Variants in MTMR1 observed in about 807,000 individuals in gnomAD.
The protein encoded by MTMR1 is phosphatidylinositol-3-phosphate phosphatase MTMR1.
In MTMR1, 17 loss-of-function variants were observed where a neutral mutation model predicts 51.6. That is an observed-to-expected ratio of 0.33 (90% CI 0.23 to 0.49). MTMR1 has a LOEUF of 0.49. Ranked by LOEUF, MTMR1 falls within the 20% of genes least tolerant of loss-of-function variation. The pLI, the probability that MTMR1 is intolerant of heterozygous loss-of-function variation, is 0.99. For synonymous variants in MTMR1, 201 were observed against 205.6 expected, an observed-to-expected ratio of 0.98 and a Z score of 0.19; for missense variants, 386 against 526.9, an observed-to-expected ratio of 0.73 and a Z score of 2.62.
intron 13 of MTMR1, among the ~76,000 whole-genome samples, chrX:150,749,413 A>G (rs1294459093): frequency 8.9e-5 from 10 of 112,815 alleles, no homozygotes; most frequent in Non-Finnish European, 7.5e-5. Context: ...CTTAAATACA[A>G]GCATGCTGGG....
intron 2 of MTMR1, 65 bp from the exon 3 acceptor site, chrX:150,712,277 T>G: frequency 9.8e-7 from 1 of 1,024,088 alleles, no homozygotes; most frequent in South Asian, 2.1e-5. Flanking sequence ...TTGAACTTAA[T>G]GGCATCTTTC....
intron 15 of MTMR1, among the ~76,000 whole-genome samples, chrX:150,758,774 C>T (rs1014346219): frequency 2.8e-4 from 29 of 104,073 alleles, no homozygotes; most frequent in African/African-American, 7.9e-4. Flanking sequence ...CCAGCCTGGG[C>T]GACAGAGTGA....
At chrX:150,704,338 C>A (rs1342372689) in intron 2 of MTMR1, among the ~76,000 whole-genome samples, 12 of 111,770 alleles carry the variant, frequency 1.1e-4, no homozygotes, top group Admixed American at 7.6e-4. Flanking sequence ...CAGCCAAACA[C>A]CACAGAAAAA....
In MTMR1 at chrX:150,753,464, T is replaced by TTCACCAA. The variant is rs782393258; in HGVS notation, c.1681-2224_1681-2218dup. Among the ~76,000 whole-genome samples the TTCACCAA allele has an allele frequency of 2.7e-5, 3 of 112,468 alleles. No individual in the cohort carries two copies. In the South Asian group the frequency reaches 1.1e-3, roughly 41 times the overall value. ...TCTGAGGCTTCCAATTTCTCCACAT[T>TTCACCAA]TCACCAACGCTTACTATTTTCCTTT... On this transcript the variant is annotated intron_variant, in intron 14 of 15. Transcript: ENST00000445323.
intron 13 of MTMR1, among the ~76,000 whole-genome samples, chrX:150,749,663 C>T (rs2042671644): frequency 1.8e-5 from 2 of 112,135 alleles, no homozygotes; most frequent in African/African-American, 6.5e-5. Flanking sequence ...ACAATCAAGA[C>T]GATCTGTGGT....
At position 150,712,347 on chromosome X, in the gene MTMR1, C is replaced by T; in HGVS notation, c.258C>T (p.Phe86=). ...SENVSRDYKV[F]RRPDLRALRD... ...TTCTGTATTTTAACTAACAGGTTTT[C>T]AGGAGGCCTGATCTAAGGGTAAGGA... The change falls in exon 3 of 16, where the codon TTC becomes TTT. Residue 86 remains phenylalanine (F), a synonymous_variant. Transcript: ENST00000445323. 1 of 1,164,718 alleles carries T rather than the reference C, an allele frequency of 8.6e-7. No individual in the cohort carries two copies. The highest frequency in any genetic ancestry group is 1.1e-6 in the Non-Finnish European group (1 of 871,511).
intron 12 of MTMR1, among the ~76,000 whole-genome samples, chrX:150,740,018 A>C (rs1346617795): frequency 9.0e-6 from 1 of 111,391 alleles, no homozygotes; most frequent in Non-Finnish European, 1.9e-5. Flanking sequence ...CCATCATGGA[A>C]CTTTCCAATT....
At chrX:150,718,084 A>G (rs1166545778) in intron 3 of MTMR1, among the ~76,000 whole-genome samples, 1 of 112,451 alleles carries the variant, frequency 8.9e-6, no homozygotes, top group Non-Finnish European at 1.9e-5. Flanking sequence ...ACACACACAC[A>G]CACATAGCTG....
At chrX:150,700,784 A>G (rs2040879082) in intron 2 of MTMR1, among the ~76,000 whole-genome samples, 2 of 112,794 alleles carry the variant, frequency 1.8e-5, no homozygotes, top group South Asian at 7.2e-4. Context: ...GACAATTATG[A>G]GTTAACTGTA....
At chrX:150,751,063 T>G (rs782228395) in intron 14 of MTMR1, 26 of 1,140,314 alleles carry the variant, frequency 2.3e-5, no homozygotes, top group Non-Finnish European at 3.0e-5. Context: ...AGCCCGTGGC[T>G]CTCTCAGGAG....
chrX:150,735,208 G>A (rs1557417113), intron 10 of MTMR1, among the ~76,000 whole-genome samples: 1 of 111,592 alleles, frequency 9.0e-6, no homozygotes, highest in African/African-American at 3.3e-5. Context: ...CCCTGATCTC[G>A]GACTTTCAGC....
At chrX:150,725,837 G>A (rs984075514) in intron 4 of MTMR1, among the ~76,000 whole-genome samples, 3 of 111,343 alleles carry the variant, frequency 2.7e-5, no homozygotes, top group Non-Finnish European at 5.7e-5. Context: ...CCTCATATTC[G>A]ACTGTCCTCA....
intron 3 of MTMR1, among the ~76,000 whole-genome samples, chrX:150,714,947 G>C (rs1460804634): frequency 8.9e-6 from 1 of 112,071 alleles, no homozygotes; most frequent in Non-Finnish European, 1.9e-5. Context: ...TGTGGAATTG[G>C]TACATATATT....
At chrX:150,695,248 A>G (rs1161849831) in intron 1 of MTMR1, among the ~76,000 whole-genome samples, 1 of 112,340 alleles carries the variant, frequency 8.9e-6, no homozygotes, top group Middle Eastern at 4.6e-3. Context: ...TCACAGAGCC[A>G]GATGGTGGAG....
At chrX:150,736,893 A>G (rs895036117) in intron 11 of MTMR1, 113 bp downstream of exon 11, 2 of 754,153 alleles carry the variant, frequency 2.7e-6, no homozygotes, top group Admixed American at 4.2e-5. Flanking sequence ...TTTCTTATTC[A>G]ATAGTTTCCA....
intron 15 of MTMR1, among the ~76,000 whole-genome samples, chrX:150,760,190 C>G (rs1367507305): frequency 9.2e-6 from 1 of 108,324 alleles, no homozygotes; most frequent in Non-Finnish European, 2.0e-5. Context: ...TGTCGGACAC[C>G]TCCTAGGTGT....
At chrX:150,754,104 C>T (rs1557417672) in intron 14 of MTMR1, among the ~76,000 whole-genome samples, 1 of 112,950 alleles carries the variant, frequency 8.9e-6, no homozygotes, top group East Asian at 2.8e-4. Flanking sequence ...AATTTTCTTG[C>T]CAACCTTGTT....
chrX:150,714,432 C>T, intron 3 of MTMR1: 1 of 896,721 alleles, frequency 1.1e-6, no homozygotes. Context: ...ACGTGTTTCT[C>T]TTTCTCCTCT....
intron 2 of MTMR1, among the ~76,000 whole-genome samples, chrX:150,701,584 G>A (rs187099696): frequency 2.7e-5 from 3 of 112,254 alleles, no homozygotes; most frequent in East Asian, 5.6e-4. Context: ...ACAGGCTGTC[G>A]AGAATGGTTC....
Sources: gnomAD v4.1 joint callset for allele counts (sites outside exome capture counted in the v4.1 genomes callset) on GRCh38, gnomAD v4.1.1 for gene constraint, MANE v1.5 for transcripts, NCBI Gene and HGNC (gene_info 2026-07-23, HGNC 2026-07-21) for gene names.